The following SIK3 variants were observed in gnomAD, a reference collection of about 807,000 sequenced individuals.
SIK3 encodes serine/threonine-protein kinase SIK3.
SIK3 carries 28 observed loss-of-function variants against 144.2 expected under a neutral mutation model. The observed-to-expected ratio is 0.19, with a 90% CI of 0.14 to 0.27. SIK3 has a LOEUF of 0.27. SIK3 is among the 10% of genes least tolerant of loss of function. The probability of loss-of-function intolerance (pLI) is 1.00; values close to 1 mark genes in which losing one functional copy is unlikely to be tolerated. For missense variants in SIK3, 1,319 were observed against 1,776.0 expected (o/e 0.74, Z 4.62); for synonymous variants, 686 against 676.3 (o/e 1.01, Z -0.22).
At chr11:116,960,102 T>C (rs1268542969) in intron 1 of SIK3, among the ~76,000 whole-genome samples, 11 of 152,220 alleles carry the variant, frequency 7.2e-5, no homozygotes. Flanking sequence ...ATGTACTTCA[T>C]CTTTTCAGGA....
At chr11:116,974,842 T>C (rs1949890959) in intron 1 of SIK3, among the ~76,000 whole-genome samples, 1 of 152,216 alleles carries the variant, frequency 6.6e-6, no homozygotes, top group Admixed American at 6.5e-5. Context: ...TTTCCTTTTA[T>C]TTAATAATGT....
intron 1 of SIK3, among the ~76,000 whole-genome samples, chr11:116,999,974 T>G (rs1364710171): frequency 6.6e-6 from 1 of 152,260 alleles, no homozygotes; most frequent in African/African-American, 2.4e-5. Flanking sequence ...ATTTGTTTAA[T>G]AAAGTTTTTC....
chr11:116,872,889 T>C (rs1282647683), intron 13 of SIK3, among the ~76,000 whole-genome samples: 1 of 152,118 alleles, frequency 6.6e-6, no homozygotes. Flanking sequence ...AATGAATGAA[T>C]GAATGACCTA....
intron 6 of SIK3, among the ~76,000 whole-genome samples, chr11:116,891,185 T>C (rs920097842): frequency 6.6e-6 from 1 of 152,088 alleles, no homozygotes; most frequent in Non-Finnish European, 1.5e-5. Flanking sequence ...TGGTGCTTGG[T>C]GCTTGCCTGT....
chr11:116,845,944 A>T (rs1359105319), intron 24 of SIK3, among the ~76,000 whole-genome samples: 1 of 152,146 alleles, frequency 6.6e-6, no homozygotes, highest in Non-Finnish European at 1.5e-5. Context: ...ATATCCTGCC[A>T]CTTGCTTCTG....
At chr11:116,889,869 C>T (rs1945012891) in intron 6 of SIK3, among the ~76,000 whole-genome samples, 1 of 152,136 alleles carries the variant, frequency 6.6e-6, no homozygotes, top group Non-Finnish European at 1.5e-5. Flanking sequence ...TGCACTCCAG[C>T]CTGGGCGACA....
intron 1 of SIK3, among the ~76,000 whole-genome samples, chr11:116,977,471 A>T (rs887994047): frequency 1.3e-5 from 2 of 152,040 alleles, no homozygotes; most frequent in African/African-American, 2.4e-5. Context: ...CTTTTTAGTT[A>T]AAAAAAGACG....
At position 117,055,950 on chromosome 11, in the gene SIK3, G is replaced by C. The variant is rs149243468; in HGVS notation, c.273+42193C>G. ...CCTGCCAGTGCCCTCCCAGCCTCCA[G>C]AACTATGAGAAAATAAAATTCTGTT... On this transcript the variant is annotated intron_variant, in intron 1 of 24. Transcript: ENST00000445177. Among the ~76,000 whole-genome samples the C allele has an allele frequency of 9.8e-5, 15 of 152,296 alleles. No homozygotes were observed. In the East Asian group the frequency reaches 2.7e-3, roughly 27 times the overall value.
chr11:117,012,806 T>A (rs74941472), intron 1 of SIK3, among the ~76,000 whole-genome samples: 25 of 148,314 alleles, frequency 1.7e-4, no homozygotes, highest in African/African-American at 5.4e-4. Context: ...CACTGACTCA[T>A]AATATATTGA....
intron 1 of SIK3, among the ~76,000 whole-genome samples, chr11:117,061,038 G>T (rs935934831): frequency 2.6e-5 from 4 of 152,156 alleles, no homozygotes; most frequent in Non-Finnish European, 4.4e-5. Flanking sequence ...CTTGAGGCCA[G>T]GAGTTTGAGA....
intron 4 of SIK3, among the ~76,000 whole-genome samples, chr11:116,907,755 T>C (rs886462520): frequency 1.1e-4 from 17 of 152,286 alleles, no homozygotes; most frequent in Middle Eastern, 3.4e-3. Flanking sequence ...CAAAGACACA[T>C]AATGCTTCAG....
intron 21 of SIK3, among the ~76,000 whole-genome samples, chr11:116,851,582 G>A (rs1268862040): frequency 6.6e-6 from 1 of 152,192 alleles, no homozygotes; most frequent in Non-Finnish European, 1.5e-5. Context: ...GAGCTTCCCA[G>A]CTACCAAAGA....
At chr11:116,912,428 A>G (rs1228802809) in intron 4 of SIK3, among the ~76,000 whole-genome samples, 1 of 152,244 alleles carries the variant, frequency 6.6e-6, no homozygotes, top group Non-Finnish European at 1.5e-5. Flanking sequence ...TATTTGGTCT[A>G]CCACTTTAGA....
At chr11:116,875,734 G>A (rs1944216768) in intron 9 of SIK3, 132 bp downstream of exon 9, 1 of 1,145,638 alleles carries the variant, frequency 8.7e-7, no homozygotes, top group Admixed American at 2.4e-5. Context: ...GACAAAGGAA[G>A]AGATGACAAA....
intron 1 of SIK3, among the ~76,000 whole-genome samples, chr11:117,002,470 C>A (rs1433418488): frequency 1.1e-4 from 16 of 152,118 alleles, no homozygotes; most frequent in African/African-American, 3.9e-4. Context: ...TTAGTCTCCA[C>A]CTGCCCAAAA....
At chr11:116,983,465 A>G (rs10128571) in intron 1 of SIK3, among the ~76,000 whole-genome samples, 11,008 of 148,068 alleles carry the variant, frequency 0.074, 490 homozygotes, top group Middle Eastern at 0.12. Context: ...AGGAGGCAGA[A>G]GTTGCAGTGA....
chr11:116,873,950 G>A lies in SIK3; in HGVS notation c.1534C>T (p.Leu512=). Residue 512 remains leucine, a synonymous_variant, in exon 12 of 25, where the codon CTG becomes TTG. Transcript: ENST00000445177. ...VAPNVNFMHN[L]LPMQNLQPTG... ...GGTTGCAAGTTTTGCATAGGCAACAGGTTGTGCATGAAGTTCACATTAGGG... is the reference window on the plus strand; with the variant it reads ...GGTTGCAAGTTTTGCATAGGCAACAAGTTGTGCATGAAGTTCACATTAGGG... 1 of 1,614,074 alleles carries A rather than the reference G, an allele frequency of 6.2e-7. No individual in the cohort carries two copies. The highest frequency in any genetic ancestry group is 8.5e-7 in the Non-Finnish European group (1 of 1,179,982).
intron 1 of SIK3, among the ~76,000 whole-genome samples, chr11:117,009,602 A>C (rs1211432606): frequency 6.6e-6 from 1 of 152,190 alleles, no homozygotes. Flanking sequence ...GCAAAAGTCA[A>C]GATTTATTGT....
chr11:117,010,706 A>T (rs1332242824), intron 1 of SIK3, among the ~76,000 whole-genome samples: 2 of 151,900 alleles, frequency 1.3e-5, no homozygotes, highest in African/African-American at 4.8e-5. Context: ...CATTAAAATG[A>T]CTGAGTCTTA....
Sources: allele counts gnomAD v4.1 joint callset (sites outside exome capture counted in the v4.1 genomes callset), GRCh38; gene constraint gnomAD v4.1.1; transcripts MANE v1.5; gene names NCBI Gene and HGNC (gene_info 2026-07-23, HGNC 2026-07-21).